Variants in AGBL4 observed in about 807,000 individuals in gnomAD.
The protein encoded by AGBL4 is cytosolic carboxypeptidase 6.
A neutral mutation model predicts 66.4 loss-of-function variants in AGBL4; 58 were observed. That is an observed-to-expected ratio of 0.87 (90% CI 0.71 to 1.09). AGBL4 has a LOEUF of 1.09. Among genes scored for constraint, AGBL4 ranks in the 50% least tolerant of loss-of-function variants. AGBL4 has a pLI of 0.00. For synonymous variants in AGBL4, 234 were observed against 222.9 expected (o/e 1.05, Z -0.44); for missense variants, 579 against 631.0 (o/e 0.92, Z 0.88).
intron 6 of AGBL4, among the ~76,000 whole-genome samples, chr1:48,766,717 G>A (rs1007306450): frequency 2.6e-5 from 4 of 152,172 alleles, no homozygotes; most frequent in African/African-American, 4.8e-5. Flanking sequence ...GGGGGATTTC[G>A]AGGCTCCTCT....
chr1:49,219,728 C>T (rs1459426927), intron 4 of AGBL4, among the ~76,000 whole-genome samples: 1 of 152,134 alleles, frequency 6.6e-6, no homozygotes, highest in African/African-American at 2.4e-5. Flanking sequence ...ATGTGTTTAA[C>T]TCACTTCTTG....
intron 1 of AGBL4, among the ~76,000 whole-genome samples, chr1:49,961,946 C>A (rs1052919553): frequency 6.6e-6 from 1 of 152,100 alleles, no homozygotes; most frequent in Non-Finnish European, 1.5e-5. Flanking sequence ...ACTTTCTTCT[C>A]ATTCTCTAGA....
At chr1:49,980,179 T>TGG (rs1295660736) in intron 1 of AGBL4, among the ~76,000 whole-genome samples, 1 of 152,100 alleles carries the variant, frequency 6.6e-6, no homozygotes. Flanking sequence ...TTTGACTGTG[T>TGG]GGGGCTGTCA....
At chr1:49,014,116 C>T (rs1557560571) in intron 5 of AGBL4, among the ~76,000 whole-genome samples, 1 of 152,096 alleles carries the variant, frequency 6.6e-6, no homozygotes, top group Non-Finnish European at 1.5e-5. Context: ...CCGTTCTTCC[C>T]CCTTCTCTCC....
At chr1:49,552,384 GC>G (rs1653034208) in intron 3 of AGBL4, among the ~76,000 whole-genome samples, 2 of 152,118 alleles carry the variant, frequency 1.3e-5, no homozygotes, top group Non-Finnish European at 1.5e-5. Context: ...TGTGGTGTTT[GC>G]CCCCCTGCTC....
At chr1:49,948,504 T>C (rs1293757999) in intron 1 of AGBL4, among the ~76,000 whole-genome samples, 8 of 117,514 alleles carry the variant, frequency 6.8e-5, no homozygotes, top group Non-Finnish European at 1.4e-4. Flanking sequence ...AAAATATATA[T>C]AAATATATAA....
chr1:49,660,037 A>T (rs2124486766), intron 3 of AGBL4, among the ~76,000 whole-genome samples: 1 of 152,314 alleles, frequency 6.6e-6, no homozygotes, highest in East Asian at 1.9e-4. Flanking sequence ...GGGAATAGGC[A>T]TAAGCAAAGA....
At chr1:48,588,286 G>C (rs1644856131) in intron 10 of AGBL4, among the ~76,000 whole-genome samples, 1 of 152,142 alleles carries the variant, frequency 6.6e-6, no homozygotes, top group Non-Finnish European at 1.5e-5. Context: ...CTAAGATGTT[G>C]ACAGCACCCA....
chr1:49,489,120 A>G (rs946529142), intron 3 of AGBL4, among the ~76,000 whole-genome samples: 1 of 151,646 alleles, frequency 6.6e-6, no homozygotes, highest in East Asian at 1.9e-4. Flanking sequence ...GCTGTTCTCT[A>G]TAGTGTGTAC....
intron 1 of AGBL4, among the ~76,000 whole-genome samples, chr1:50,007,973 A>ATTC (rs1661260098): frequency 6.6e-6 from 1 of 151,672 alleles, no homozygotes; most frequent in Non-Finnish European, 1.5e-5. Flanking sequence ...CAGCAAGAGG[A>ATTC]TAAAACAATT....
intron 5 of AGBL4, among the ~76,000 whole-genome samples, chr1:48,952,941 A>G (rs573040363): frequency 2.6e-5 from 4 of 152,192 alleles, no homozygotes; most frequent in Middle Eastern, 3.4e-3. Flanking sequence ...TCTCCTTCCA[A>G]TGTGGCCCAG....
chr1:49,287,583 C>T (rs1644443925), intron 3 of AGBL4, among the ~76,000 whole-genome samples: 1 of 152,068 alleles, frequency 6.6e-6, no homozygotes, highest in Non-Finnish European at 1.5e-5. Context: ...CAAAAGAAGA[C>T]ATTTATGCAG....
chr1:49,462,146 A>C (rs1222138242), intron 3 of AGBL4, among the ~76,000 whole-genome samples: 1 of 151,692 alleles, frequency 6.6e-6, no homozygotes, highest in African/African-American at 2.4e-5. Context: ...GGCTAGATGA[A>C]TGCTAAGGCT....
intron 3 of AGBL4, among the ~76,000 whole-genome samples, chr1:49,692,794 A>G (rs1167319060): frequency 6.6e-6 from 1 of 152,012 alleles, no homozygotes; most frequent in African/African-American, 2.4e-5. Context: ...AAAAGTGTGT[A>G]TGTGTGCATG....
intron 4 of AGBL4, among the ~76,000 whole-genome samples, chr1:49,077,650 C>T (rs1644736036): frequency 6.6e-6 from 1 of 152,080 alleles, no homozygotes; most frequent in South Asian, 2.1e-4. Flanking sequence ...TTTGACCAAA[C>T]AGTTTTTCCA....
chr1:48,648,442 A>G, intron 8 of AGBL4, among the ~76,000 whole-genome samples: 1 of 152,206 alleles, frequency 6.6e-6, no homozygotes, highest in East Asian at 1.9e-4. Context: ...GGTGCCTTTC[A>G]TCCCACTTCC....
rs370800707 is a variant in AGBL4 at position 49,935,704 on chromosome 1, G to A, written c.35-84186C>T. On this transcript the variant is annotated intron_variant, in intron 1 of 13. Coordinates refer to ENST00000371839, the MANE Select transcript of AGBL4 (RefSeq NM_032785.4). ...GAAAATCCGCTGTTCTACGGCCACC[G>A]CTGCTGATACCCAGGCAAACAGGGT... 2.2e-4 allele frequency among the ~76,000 whole-genome samples: 33 copies of A among 152,236 alleles called. No homozygotes were observed. The East Asian group carries it at 5.4e-3, about 25-fold the overall frequency.
chr1:49,937,920 A>T (rs1054061663), intron 1 of AGBL4, among the ~76,000 whole-genome samples: 1 of 152,182 alleles, frequency 6.6e-6, no homozygotes, highest in African/African-American at 2.4e-5. Flanking sequence ...ACACCCTAAC[A>T]TCACAATTAA....
intron 3 of AGBL4, among the ~76,000 whole-genome samples, chr1:49,457,057 T>A (rs1646405821): frequency 6.6e-6 from 1 of 151,776 alleles, no homozygotes; most frequent in Non-Finnish European, 1.5e-5. Context: ...ATCATTTTCT[T>A]ATTATGACTT....
Sources: allele counts gnomAD v4.1 joint callset (sites outside exome capture counted in the v4.1 genomes callset), GRCh38; gene constraint gnomAD v4.1.1; transcripts MANE v1.5; gene names NCBI Gene and HGNC (gene_info 2026-07-23, HGNC 2026-07-21).